The following PPARGC1A variants were observed in gnomAD, a reference collection of about 807,000 sequenced individuals.
PPARGC1A encodes the protein peroxisome proliferator-activated receptor gamma coactivator 1-alpha.
PPARGC1A carries 25 observed loss-of-function variants against 88.7 expected under a neutral mutation model. The observed-to-expected ratio is 0.28, with a 90% confidence interval of 0.21 to 0.39. The LOEUF (loss-of-function observed/expected upper bound fraction) is 0.39, where lower values mean the gene tolerates loss of function less well. Ranked by LOEUF, PPARGC1A falls within the 10% of genes least tolerant of loss-of-function variation. PPARGC1A has a pLI of 1.00. For synonymous variants in PPARGC1A, 363 were observed against 355.6 expected, an observed-to-expected ratio of 1.02 and a Z score of -0.24; for missense variants, 880 against 968.7, an observed-to-expected ratio of 0.91 and a Z score of 1.22.
chr4:24,299,134 C>A, the PPARGC1A span, among the ~76,000 whole-genome samples: 1 of 152,106 alleles, frequency 6.6e-6, no homozygotes, highest in Non-Finnish European at 1.5e-5. Context: ...CAGCCAGATA[C>A]ACAGATTGAA....
At chr4:24,416,628 A>G in the PPARGC1A span, among the ~76,000 whole-genome samples, 1 of 152,204 alleles carries the variant, frequency 6.6e-6, no homozygotes, top group African/African-American at 2.4e-5. Context: ...GAACGCAAAT[A>G]TCTAACTGTC....
intron 2 of PPARGC1A, among the ~76,000 whole-genome samples, chr4:23,852,514 C>T (rs1235911946): frequency 6.6e-6 from 1 of 152,100 alleles, no homozygotes; most frequent in Non-Finnish European, 1.5e-5. Context: ...CTCTTTCCTG[C>T]CTACCTCCCA....
chr4:23,977,036 AGAAGGAGAAGAGGAAGAG>A, the PPARGC1A span, among the ~76,000 whole-genome samples: 1 of 152,084 alleles, frequency 6.6e-6, no homozygotes, highest in Non-Finnish European at 1.5e-5. Context: ...AAGGAGAACA[AGAAGGAGAAGAGGAAGAG>A]GAAGAAGAAG....
chr4:24,206,524 A>G, the PPARGC1A span, among the ~76,000 whole-genome samples: 1 of 152,292 alleles, frequency 6.6e-6, no homozygotes, highest in East Asian at 1.9e-4. Flanking sequence ...GCCAAAGACC[A>G]TATAAAAAAT....
At chr4:24,196,318 A>C in the PPARGC1A span, among the ~76,000 whole-genome samples, 1 of 152,260 alleles carries the variant, frequency 6.6e-6, no homozygotes, top group Non-Finnish European at 1.5e-5. Flanking sequence ...CAGGAGAAAG[A>C]AATGCATGCT....
At chr4:23,855,308 C>T (rs1235098685) in intron 2 of PPARGC1A, among the ~76,000 whole-genome samples, 2 of 152,138 alleles carry the variant, frequency 1.3e-5, no homozygotes, top group Admixed American at 6.5e-5. Flanking sequence ...TGACCCTTCA[C>T]TGTCTTATTT....
At chr4:23,931,015 G>A in the PPARGC1A span, among the ~76,000 whole-genome samples, 1 of 152,210 alleles carries the variant, frequency 6.6e-6, no homozygotes, top group South Asian at 2.1e-4. Flanking sequence ...GTGTCCGGTG[G>A]CATTTTCCGT....
the PPARGC1A span, among the ~76,000 whole-genome samples, chr4:24,103,835 T>A: frequency 6.6e-6 from 1 of 152,170 alleles, no homozygotes; most frequent in Non-Finnish European, 1.5e-5. Flanking sequence ...AACTCCCACT[T>A]AACGTTTTCT....
the PPARGC1A span, among the ~76,000 whole-genome samples, chr4:24,284,801 G>A: frequency 1.3e-5 from 2 of 152,222 alleles, no homozygotes; most frequent in Non-Finnish European, 2.9e-5. Flanking sequence ...GGCCAAGGCA[G>A]ACGGATCATG....
At chr4:24,066,166 C>G in the PPARGC1A span, among the ~76,000 whole-genome samples, 1 of 152,014 alleles carries the variant, frequency 6.6e-6, no homozygotes, top group African/African-American at 2.4e-5. Context: ...TCATGACTGG[C>G]AGAGCCGAAC....
the PPARGC1A span, among the ~76,000 whole-genome samples, chr4:23,999,257 C>G: frequency 6.6e-6 from 1 of 152,202 alleles, no homozygotes; most frequent in African/African-American, 2.4e-5. Flanking sequence ...AAAGCATTGT[C>G]TGTTTGCTAC....
chr4:23,927,050 G>C, the PPARGC1A span, among the ~76,000 whole-genome samples: 1 of 152,218 alleles, frequency 6.6e-6, no homozygotes, highest in Admixed American at 6.5e-5. Context: ...AAATATCTAA[G>C]TCAAAAATGC....
the PPARGC1A span, among the ~76,000 whole-genome samples, chr4:24,155,028 G>C: frequency 6.6e-6 from 1 of 152,004 alleles, no homozygotes; most frequent in Non-Finnish European, 1.5e-5. Context: ...GTGAGAGTCT[G>C]GGCTTTGCTC....
chr4:24,140,485 C>T, the PPARGC1A span, among the ~76,000 whole-genome samples: 1 of 152,260 alleles, frequency 6.6e-6, no homozygotes, highest in South Asian at 2.1e-4. Context: ...GAAAATAGCA[C>T]TCTCTTCAAA....
the PPARGC1A span, among the ~76,000 whole-genome samples, chr4:23,976,939 A>C: frequency 6.6e-6 from 1 of 152,216 alleles, no homozygotes; most frequent in Non-Finnish European, 1.5e-5. Context: ...TGATTAACAG[A>C]AAGGAAGAAG....
At chr4:24,062,886 G>A in the PPARGC1A span, among the ~76,000 whole-genome samples, 1 of 152,142 alleles carries the variant, frequency 6.6e-6, no homozygotes, top group African/African-American at 2.4e-5. Flanking sequence ...AGGCATAGAT[G>A]ATCTTCTGTT....
intron 1 of PPARGC1A, among the ~76,000 whole-genome samples, chr4:23,885,961 G>A (rs538534575): frequency 3.9e-5 from 6 of 152,184 alleles, no homozygotes; most frequent in East Asian, 1.9e-4. Flanking sequence ...TTTACCATGC[G>A]GCTTTTGGAG....
the PPARGC1A span, among the ~76,000 whole-genome samples, chr4:24,150,220 T>A: frequency 6.6e-6 from 1 of 152,160 alleles, no homozygotes; most frequent in African/African-American, 2.4e-5. Flanking sequence ...CCTAGGCTGG[T>A]GTACTAGCGA....
chr4:23,934,069 G>A, the PPARGC1A span, among the ~76,000 whole-genome samples: 1 of 152,148 alleles, frequency 6.6e-6, no homozygotes, highest in Admixed American at 6.5e-5. Context: ...GTTAGAATGG[G>A]GCAGTCTCAA....
Sources: gnomAD v4.1 joint callset for allele counts (sites outside exome capture counted in the v4.1 genomes callset) on GRCh38, gnomAD v4.1.1 for gene constraint, MANE v1.5 for transcripts, NCBI Gene and HGNC (gene_info 2026-07-23, HGNC 2026-07-21) for gene names.